CYP39A1: variants seen among roughly 807,000 people sequenced by gnomAD.
CYP39A1 encodes the protein 24-hydroxycholesterol 7-alpha-hydroxylase.
A neutral mutation model predicts 58.1 loss-of-function variants in CYP39A1; 49 were observed. The observed-to-expected ratio is 0.84, with a 90% CI of 0.67 to 1.07. CYP39A1 has a LOEUF of 1.07. Ranked by LOEUF, CYP39A1 falls within the 50% of genes least tolerant of loss-of-function variation. The pLI, the probability that CYP39A1 is intolerant of heterozygous loss-of-function variation, is 0.00. For synonymous variants in CYP39A1, 209 were observed against 187.6 expected (o/e 1.11, Z -0.93); for missense variants, 531 against 539.4 (o/e 0.98, Z 0.16).
chr6:46,645,396 C>T (rs371280753), intron 1 of CYP39A1, among the ~76,000 whole-genome samples: 92 of 151,976 alleles, frequency 6.1e-4, no homozygotes, highest in Non-Finnish European at 7.2e-4. Flanking sequence ...TTTTGGCTTA[C>T]GCTATCAAAT....
intron 3 of CYP39A1, among the ~76,000 whole-genome samples, 194 bp from the exon 4 acceptor site, chr6:46,638,172 A>G (rs558406229): frequency 6.6e-6 from 1 of 152,360 alleles, no homozygotes; most frequent in Admixed American, 6.5e-5. Flanking sequence ...GGGGAACTGA[A>G]ACTGTGGTTT....
At chr6:46,608,145 C>A (rs1773966288) in intron 7 of CYP39A1, among the ~76,000 whole-genome samples, 1 of 152,072 alleles carries the variant, frequency 6.6e-6, no homozygotes, top group South Asian at 2.1e-4. Context: ...AAAGTAAAAA[C>A]CAAATTATAA....
chr6:46,649,581 C>A (rs10498769), intron 1 of CYP39A1, among the ~76,000 whole-genome samples: 1 of 152,154 alleles, frequency 6.6e-6, no homozygotes. Context: ...GAGTAAATCC[C>A]TACTGACATA....
intron 2 of CYP39A1, among the ~76,000 whole-genome samples, chr6:46,641,710 C>T (rs1427987029): frequency 6.6e-6 from 1 of 152,068 alleles, no homozygotes; most frequent in African/African-American, 2.4e-5. Context: ...TCCCATTGAC[C>T]ATAACAGCCC....
chr6:46,586,184 G>A (rs1772463423), intron 10 of CYP39A1: 2 of 972,706 alleles, frequency 2.1e-6, no homozygotes, highest in Admixed American at 6.2e-5. Flanking sequence ...AGGATGGAAT[G>A]GATACTGCGG....
At chr6:46,573,948 AATTAC>A (rs1414575715) in intron 10 of CYP39A1, among the ~76,000 whole-genome samples, 1 of 152,180 alleles carries the variant, frequency 6.6e-6, no homozygotes, top group African/African-American at 2.4e-5. Context: ...CTTTTAAGGG[AATTAC>A]ATTACTGAGG....
chr6:46,650,544 C>A (rs1181789867), intron 1 of CYP39A1, among the ~76,000 whole-genome samples: 2 of 114,256 alleles, frequency 1.8e-5, no homozygotes, highest in South Asian at 3.3e-4. Context: ...CGCTCTGTTG[C>A]CCAGGCTCGA....
intron 7 of CYP39A1, among the ~76,000 whole-genome samples, chr6:46,613,509 TATTA>T (rs1582400508): frequency 6.6e-6 from 1 of 152,236 alleles, no homozygotes; most frequent in Admixed American, 6.5e-5. Flanking sequence ...GGTGCATTTC[TATTA>T]ATTAATCTGG....
intron 7 of CYP39A1, among the ~76,000 whole-genome samples, chr6:46,613,165 G>C (rs9472793): frequency 0.053 from 8,069 of 152,280 alleles, 456 homozygotes; most frequent in African/African-American, 0.14. Flanking sequence ...ATACTTGTTT[G>C]TATTTATGAG....
intron 5 of CYP39A1, among the ~76,000 whole-genome samples, chr6:46,632,268 T>G (rs1039700859): frequency 1.3e-5 from 2 of 152,232 alleles, no homozygotes; most frequent in South Asian, 4.1e-4. Flanking sequence ...TCATTATTCT[T>G]GTCTACAAAG....
intron 5 of CYP39A1, among the ~76,000 whole-genome samples, chr6:46,632,610 CT>C (rs1158417212): frequency 6.6e-6 from 1 of 152,110 alleles, no homozygotes; most frequent in Non-Finnish European, 1.5e-5. Flanking sequence ...CCTCTCCCCC[CT>C]CCCAATCTCT....
intron 10 of CYP39A1, among the ~76,000 whole-genome samples, chr6:46,563,249 T>A (rs899595873): frequency 6.6e-6 from 1 of 152,196 alleles, no homozygotes; most frequent in Non-Finnish European, 1.5e-5. Flanking sequence ...AAACGGGCCT[T>A]GTAAATTCGT....
intron 4 of CYP39A1, among the ~76,000 whole-genome samples, chr6:46,637,505 A>G (rs929006945): frequency 1.3e-5 from 2 of 152,228 alleles, no homozygotes; most frequent in African/African-American, 4.8e-5. Flanking sequence ...GAGACTGCTC[A>G]GGTTGACGAT....
At chr6:46,562,263 T>C (rs563627883) in intron 10 of CYP39A1, among the ~76,000 whole-genome samples, 2 of 152,020 alleles carry the variant, frequency 1.3e-5, no homozygotes, top group South Asian at 4.2e-4. Flanking sequence ...CCTCAGGTGA[T>C]CCACCCACCT....
intron 10 of CYP39A1, among the ~76,000 whole-genome samples, chr6:46,561,177 C>T (rs906887782): frequency 2.6e-5 from 4 of 152,112 alleles, no homozygotes; most frequent in African/African-American, 9.7e-5. Context: ...AGAAAAAATG[C>T]TGGCTAATTT....
At chr6:46,639,359 A>G in intron 3 of CYP39A1, 135 bp downstream of exon 3, 2 of 813,394 alleles carry the variant, frequency 2.5e-6, no homozygotes, top group Non-Finnish European at 3.8e-6. Flanking sequence ...TTAAAAGATT[A>G]AAATAATCTC....
chr6:46,568,972 G>C (rs1771440206), intron 10 of CYP39A1, among the ~76,000 whole-genome samples: 1 of 151,688 alleles, frequency 6.6e-6, no homozygotes, highest in African/African-American at 2.4e-5. Context: ...ACTTCTTTGG[G>C]TAGCACTGGC....
intron 2 of CYP39A1, 127 bp from the exon 3 acceptor site, chr6:46,639,795 C>G: frequency 1.4e-6 from 1 of 696,864 alleles, no homozygotes; most frequent in South Asian, 2.0e-5. Flanking sequence ...AAGGTCACCT[C>G]CCATAAATAA....
chr6:46,602,773 T>A (rs1196011256), intron 7 of CYP39A1, among the ~76,000 whole-genome samples: 1 of 151,436 alleles, frequency 6.6e-6, no homozygotes, highest in Non-Finnish European at 1.5e-5. Flanking sequence ...TATTAGATAG[T>A]CTAGGCTTAA....
Sources: gnomAD v4.1 joint callset for allele counts (sites outside exome capture counted in the v4.1 genomes callset) on GRCh38, gnomAD v4.1.1 for gene constraint, MANE v1.5 for transcripts, NCBI Gene and HGNC (gene_info 2026-07-23, HGNC 2026-07-21) for gene names.